Variants in BCL9 observed in about 807,000 individuals in gnomAD.
The protein encoded by BCL9 is BCL9 transcription coactivator.
BCL9 carries 25 observed loss-of-function variants against 88.5 expected under a neutral mutation model. The observed-to-expected ratio is 0.28, with a 90% CI of 0.21 to 0.39. The LOEUF (loss-of-function observed/expected upper bound fraction) is 0.39, where lower values mean the gene tolerates loss of function less well. Among genes scored for constraint, BCL9 ranks in the 10% least tolerant of loss-of-function variants. The pLI is 1.00. For missense variants in BCL9, 1,817 were observed against 1,877.8 expected, an observed-to-expected ratio of 0.97 and a Z score of 0.60; for synonymous variants, 711 against 673.3, an observed-to-expected ratio of 1.06 and a Z score of -0.87.
chr1:147,614,039 C>T (rs2101611731), intron 5 of BCL9, among the ~76,000 whole-genome samples: 1 of 152,208 alleles, frequency 6.6e-6, no homozygotes, highest in South Asian at 2.1e-4. Context: ...CAGCTGTTGT[C>T]CTCAAAGATT....
chr1:147,608,645 G>A (rs1553202270), intron 3 of BCL9, among the ~76,000 whole-genome samples: 1 of 152,182 alleles, frequency 6.6e-6, no homozygotes, highest in African/African-American at 2.4e-5. Context: ...TTGGGAGTGG[G>A]AAGGAAGGGA....
At chr1:147,595,483 G>A (rs1657005158) in intron 1 of BCL9, among the ~76,000 whole-genome samples, 1 of 152,166 alleles carries the variant, frequency 6.6e-6, no homozygotes, top group African/African-American at 2.4e-5. Context: ...AAATTCCTAG[G>A]GAAATATCTA....
intron 1 of BCL9, among the ~76,000 whole-genome samples, chr1:147,557,274 GA>G (rs781992686): frequency 2.0e-5 from 3 of 152,042 alleles, no homozygotes; most frequent in Non-Finnish European, 4.4e-5. Flanking sequence ...CTTATGTGAG[GA>G]AAAAAATCCT....
intron 1 of BCL9, among the ~76,000 whole-genome samples, chr1:147,597,605 G>T (rs1289477765): frequency 6.6e-6 from 1 of 152,084 alleles, no homozygotes; most frequent in African/African-American, 2.4e-5. Context: ...CACCAAAATA[G>T]AATTCTTTCT....
chr1:147,589,611 T>G (rs1429846326), intron 1 of BCL9, among the ~76,000 whole-genome samples: 1 of 152,244 alleles, frequency 6.6e-6, no homozygotes, highest in Non-Finnish European at 1.5e-5. Context: ...CTTTCAGGCT[T>G]CTTCTGCTTA....
At chr1:147,606,102 AAG>A (rs1553201949) in intron 2 of BCL9, among the ~76,000 whole-genome samples, 1 of 152,214 alleles carries the variant, frequency 6.6e-6, no homozygotes, top group Non-Finnish European at 1.5e-5. Context: ...ATTCTGGGCA[AAG>A]AGGGAGGCTC....
rs1553204929 is a variant in BCL9, at chr1:147,620,178, C to T, written c.2023C>T (p.Pro675Ser). ...SQRHMEPGNN[P>S]IFPRIPVEGP... ...GCGCCACATGGAGCCTGGGAATAAC[C>T]CCATTTTCCCTCGAATACCAGTTGA... The change falls in exon 8 of 10, where the codon CCC becomes TCC. Residue 675 changes from proline to serine, a missense_variant. Pro to Ser is a moderately conservative substitution (Grantham distance 74). Around this residue, in one of 2 missense-constraint regions of BCL9, gnomAD observed 1,228 missense variants for 1,191.6 expected, o/e 1.03. Coordinates refer to ENST00000234739, the MANE Select transcript of BCL9 (RefSeq NM_004326.4). 10 of 1,614,096 alleles carry T rather than the reference C, an allele frequency of 6.2e-6. No individual in the cohort carries two copies. The highest frequency in any genetic ancestry group is 7.6e-6 in the Non-Finnish European group (9 of 1,179,980).
chr1:147,559,287 C>T (rs1202749006), intron 1 of BCL9, among the ~76,000 whole-genome samples: 3 of 152,104 alleles, frequency 2.0e-5, no homozygotes, highest in African/African-American at 7.2e-5. Flanking sequence ...TTGAGTAGGA[C>T]AGGCTCAAAG....
intron 5 of BCL9, among the ~76,000 whole-genome samples, chr1:147,613,501 T>G (rs587667436): frequency 1.3e-5 from 2 of 152,304 alleles, no homozygotes; most frequent in South Asian, 4.1e-4. Flanking sequence ...CTATGCTGTT[T>G]GTACTTTAGT....
intron 1 of BCL9, among the ~76,000 whole-genome samples, chr1:147,587,674 G>T (rs1158546957): frequency 1.3e-5 from 2 of 152,082 alleles, no homozygotes; most frequent in East Asian, 3.9e-4. Context: ...TCTCCTTAGG[G>T]GGCATTTGCA....
At chr1:147,595,720 G>A (rs587617850) in intron 1 of BCL9, among the ~76,000 whole-genome samples, 137 of 152,108 alleles carry the variant, frequency 9.0e-4, no homozygotes, top group Admixed American at 1.5e-3. Context: ...TAAATTAGTG[G>A]AAATTGAGGA....
chr1:147,553,710 A>T (rs587597192), intron 1 of BCL9, among the ~76,000 whole-genome samples: 82 of 152,336 alleles, frequency 5.4e-4, no homozygotes, highest in African/African-American at 1.9e-3. Context: ...AATAAAAAGC[A>T]TCTTAACTGA....
chr1:147,584,439 G>A (rs1656509053), intron 1 of BCL9, among the ~76,000 whole-genome samples: 1 of 152,072 alleles, frequency 6.6e-6, no homozygotes, highest in Non-Finnish European at 1.5e-5. Flanking sequence ...TTGTTTTATA[G>A]TATGAGATGA....
intron 1 of BCL9, among the ~76,000 whole-genome samples, chr1:147,583,815 T>C (rs1553198885): frequency 2.6e-5 from 4 of 151,270 alleles, no homozygotes; most frequent in Non-Finnish European, 4.4e-5. Flanking sequence ...TAGCTGGGCA[T>C]GGTGGCTGGC....
intron 1 of BCL9, among the ~76,000 whole-genome samples, chr1:147,577,634 C>T (rs1656168640): frequency 6.6e-6 from 1 of 152,074 alleles, no homozygotes. Context: ...AGAGCTGGAA[C>T]AAAGTGTCTC....
chr1:147,595,724 T>C (rs1213180507), intron 1 of BCL9, among the ~76,000 whole-genome samples: 1 of 151,674 alleles, frequency 6.6e-6, no homozygotes, highest in Non-Finnish European at 1.5e-5. Context: ...TTAGTGGAAA[T>C]TGAGGAAGAA....
At chr1:147,561,484 C>T (rs1434675552) in intron 1 of BCL9, among the ~76,000 whole-genome samples, 2 of 152,172 alleles carry the variant, frequency 1.3e-5, no homozygotes, top group African/African-American at 4.8e-5. Context: ...AGGACTAGAC[C>T]CTTCTCATTC....
chr1:147,560,522 G>A (rs1273487137), intron 1 of BCL9, among the ~76,000 whole-genome samples: 3 of 151,388 alleles, frequency 2.0e-5, no homozygotes, highest in Non-Finnish European at 4.4e-5. Flanking sequence ...GTGGAGAATC[G>A]CTTGAACCCG....
At chr1:147,585,615 G>A (rs782808602) in intron 1 of BCL9, among the ~76,000 whole-genome samples, 1 of 152,136 alleles carries the variant, frequency 6.6e-6, no homozygotes, top group African/African-American at 2.4e-5. Context: ...CCTGTTGTTA[G>A]AGGCTATATA....
Sources: gnomAD v4.1 joint callset for allele counts (sites outside exome capture counted in the v4.1 genomes callset) on GRCh38, gnomAD v4.1.1 for gene constraint, gnomAD v4.1.1 regional missense constraint, MANE v1.5 for transcripts, NCBI Gene and HGNC (gene_info 2026-07-23, HGNC 2026-07-21) for gene names.